The following DNAH14 variants were observed in gnomAD, a reference collection of about 807,000 sequenced individuals.
DNAH14 encodes the protein axonemal beta dynein heavy chain 14.
A neutral mutation model predicts 520.9 loss-of-function variants in DNAH14; 478 were observed. The ratio of observed to expected loss-of-function variants is 0.92; its 90% CI spans 0.85 to 0.99. The LOEUF (loss-of-function observed/expected upper bound fraction) is 0.99, where lower values mean the gene tolerates loss of function less well. Ranked by LOEUF, DNAH14 falls within the 50% of genes least tolerant of loss-of-function variation. The pLI is 0.00. For synonymous variants in DNAH14, 1,581 were observed against 1,757.2 expected (o/e 0.90, Z 2.51); for missense variants, 4,831 against 5,234.5 (o/e 0.92, Z 2.38).
At chr1:225,189,135 A>G (rs2085097630) in intron 37 of DNAH14, among the ~76,000 whole-genome samples, 1 of 151,584 alleles carries the variant, frequency 6.6e-6, no homozygotes, top group South Asian at 2.1e-4. Flanking sequence ...TCATTTTACT[A>G]TTGTAGTGGG....
At chr1:225,206,829 T>G in intron 40 of DNAH14, 139 bp from the exon 41 acceptor site, 1 of 737,286 alleles carries the variant, frequency 1.4e-6, no homozygotes, top group East Asian at 3.0e-5. Flanking sequence ...GCTACTTTGA[T>G]CATTTGCCCT....
chr1:225,030,527 G>C (rs2066449155), intron 11 of DNAH14, among the ~76,000 whole-genome samples: 1 of 151,774 alleles, frequency 6.6e-6, no homozygotes, highest in Admixed American at 6.6e-5. Context: ...TATTATATCT[G>C]TTATCCTTTT....
intron 44 of DNAH14, among the ~76,000 whole-genome samples, chr1:225,252,707 T>C (rs2092601776): frequency 6.6e-6 from 1 of 152,146 alleles, no homozygotes; most frequent in Admixed American, 6.5e-5. Context: ...TTTATTTCAA[T>C]TAGCTGTAAT....
intron 20 of DNAH14, among the ~76,000 whole-genome samples, chr1:225,085,123 C>A (rs949166923): frequency 2.0e-5 from 3 of 152,012 alleles, no homozygotes; most frequent in African/African-American, 7.2e-5. Context: ...TCTTTAACAC[C>A]ATCGAGATGA....
At chr1:224,999,630 G>A (rs560576787) in intron 8 of DNAH14, among the ~76,000 whole-genome samples, 5 of 151,704 alleles carry the variant, frequency 3.3e-5, no homozygotes, top group South Asian at 2.1e-4. Flanking sequence ...TATTCTGTTC[G>A]TTCTCTCTGC....
intron 36 of DNAH14, among the ~76,000 whole-genome samples, chr1:225,182,040 CA>C (rs59611722): frequency 6.6e-6 from 1 of 150,778 alleles, no homozygotes; most frequent in African/African-American, 2.4e-5. Flanking sequence ...ATAAAAATAC[CA>C]AAAAAAAATT....
intron 75 of DNAH14, among the ~76,000 whole-genome samples, chr1:225,363,931 T>A (rs2095522943): frequency 6.6e-6 from 1 of 152,094 alleles, no homozygotes; most frequent in Non-Finnish European, 1.5e-5. Context: ...TTTTCTGAAA[T>A]TTTTTTTCCT....
At chr1:225,014,668 T>C (rs1449375531) in intron 10 of DNAH14, among the ~76,000 whole-genome samples, 2 of 152,320 alleles carry the variant, frequency 1.3e-5, no homozygotes, top group African/African-American at 4.8e-5. Context: ...GATAAGATAC[T>C]TGATATGATT....
chr1:225,372,444 T>C (rs2095630042), intron 77 of DNAH14, among the ~76,000 whole-genome samples: 1 of 152,308 alleles, frequency 6.6e-6, no homozygotes, highest in East Asian at 1.9e-4. Context: ...GATTTTAATA[T>C]TTGACACAGG....
intron 11 of DNAH14, among the ~76,000 whole-genome samples, chr1:225,029,561 A>G (rs1474296443): frequency 6.6e-6 from 1 of 152,022 alleles, no homozygotes; most frequent in Non-Finnish European, 1.5e-5. Flanking sequence ...AATGTAGTTT[A>G]CAGTCTAGAG....
intron 8 of DNAH14, among the ~76,000 whole-genome samples, chr1:224,995,834 C>G (rs1030644408): frequency 1.3e-5 from 2 of 152,036 alleles, no homozygotes; most frequent in Non-Finnish European, 2.9e-5. Flanking sequence ...TTGAAACTCT[C>G]TATTGCATTA....
chr1:225,099,576 C>T (rs2075278218), intron 22 of DNAH14, among the ~76,000 whole-genome samples: 1 of 152,026 alleles, frequency 6.6e-6, no homozygotes, highest in Non-Finnish European at 1.5e-5. Flanking sequence ...ATTATGTAGT[C>T]CAAAATGTCA....
At chr1:225,075,756 G>A (rs948474968) in intron 17 of DNAH14, among the ~76,000 whole-genome samples, 6 of 152,166 alleles carry the variant, frequency 3.9e-5, no homozygotes, top group African/African-American at 1.4e-4. Flanking sequence ...TCAGGGATGG[G>A]TGCTTTATTT....
chr1:225,303,394 G>A lies in DNAH14; in HGVS notation c.8823+47G>A, dbSNP rs1368475547. 3 of 1,501,694 alleles carry A rather than the reference G, an allele frequency of 2.0e-6. No individual in the cohort carries two copies. The South Asian group carries it at 3.9e-5, about 19-fold the overall frequency. The allele number at this position is 1,501,694 out of a possible 1,614,324, so 93.0% of individuals were successfully genotyped here. ...AGGTTTCAGTTTATTGACAGCATCT[G>A]ATGGTATTATGCCTCTGAAGAGCAA... is the stretch of plus-strand genomic sequence containing the variant. On this transcript the variant is annotated intron_variant, in intron 57 of 85. Transcript: ENST00000682510.
intron 11 of DNAH14, among the ~76,000 whole-genome samples, chr1:225,026,160 A>G (rs1425430179): frequency 1.3e-5 from 2 of 151,860 alleles, no homozygotes; most frequent in Non-Finnish European, 2.9e-5. Context: ...GCTGAGTTCT[A>G]AGAGTTCTTT....
At chr1:224,964,687 ATAT>A in intron 5 of DNAH14, 78 bp downstream of exon 5, 5 of 1,254,310 alleles carry the variant, frequency 4.0e-6, no homozygotes, top group Non-Finnish European at 5.3e-6. Context: ...TTCATTTCAG[ATAT>A]TATGTCAAAG....
intron 36 of DNAH14, among the ~76,000 whole-genome samples, chr1:225,182,072 G>A (rs570400554): frequency 1.8e-4 from 28 of 152,200 alleles, no homozygotes; most frequent in South Asian, 8.3e-4. Flanking sequence ...GATGGCATGC[G>A]CCTGTAATCC....
intron 8 of DNAH14, among the ~76,000 whole-genome samples, chr1:225,001,356 G>A (rs1396118039): frequency 6.6e-6 from 1 of 152,120 alleles, no homozygotes; most frequent in African/African-American, 2.4e-5. Flanking sequence ...CTGGAATCCA[G>A]TACCTGAGTA....
intron 43 of DNAH14, among the ~76,000 whole-genome samples, chr1:225,243,690 A>G (rs777355437): frequency 6.6e-6 from 1 of 152,150 alleles, no homozygotes; most frequent in East Asian, 1.9e-4. Flanking sequence ...TTTGTTATTT[A>G]CAAAGAGGAG....
Sources: allele counts gnomAD v4.1 joint callset (sites outside exome capture counted in the v4.1 genomes callset), GRCh38; gene constraint gnomAD v4.1.1; transcripts MANE v1.5; gene names NCBI Gene and HGNC (gene_info 2026-07-23, HGNC 2026-07-21).